MBOAT2: variants seen among roughly 807,000 people sequenced by gnomAD.
MBOAT2 encodes the protein membrane-bound glycerophospholipid O-acyltransferase 2.
In MBOAT2, 28 loss-of-function variants were observed where a neutral mutation model predicts 63.4. The ratio of observed to expected loss-of-function variants is 0.44; its 90% confidence interval spans 0.33 to 0.61. MBOAT2 has a LOEUF of 0.61. Ranked by LOEUF, MBOAT2 falls within the 20% of genes least tolerant of loss-of-function variation. MBOAT2 has a pLI of 0.03. For synonymous variants in MBOAT2, 211 were observed against 215.6 expected, an observed-to-expected ratio of 0.98 and a Z score of 0.19; for missense variants, 470 against 605.8, an observed-to-expected ratio of 0.78 and a Z score of 2.35.
intron 3 of MBOAT2, among the ~76,000 whole-genome samples, chr2:8,917,263 A>G (rs1162237706): frequency 1.3e-5 from 2 of 152,186 alleles, no homozygotes; most frequent in Admixed American, 6.5e-5. Context: ...AATTCACTTC[A>G]TCAAAATTTA....
intron 1 of MBOAT2, among the ~76,000 whole-genome samples, chr2:8,996,042 G>A (rs1046001280): frequency 1.3e-5 from 2 of 152,222 alleles, no homozygotes; most frequent in African/African-American, 4.8e-5. Context: ...ACCCTGAGTA[G>A]AGCCTGGGAA....
chr2:8,893,070 T>C (rs1287863912), intron 4 of MBOAT2, among the ~76,000 whole-genome samples: 1 of 14,434 alleles, frequency 6.9e-5, no homozygotes, highest in East Asian at 2.9e-3. Flanking sequence ...GGGGAGGGGG[T>C]GGGGGAGGAG....
intron 2 of MBOAT2, among the ~76,000 whole-genome samples, chr2:8,950,490 C>A (rs1034094471): frequency 1.3e-5 from 2 of 152,034 alleles, no homozygotes; most frequent in Non-Finnish European, 2.9e-5. Flanking sequence ...TGCAGTGGCG[C>A]GATCTCAGCT....
chr2:8,857,616 T>G lies in MBOAT2; in HGVS notation c.*1063A>C, dbSNP rs1661184021. 6.6e-6 allele frequency: 1 copy of G among 152,350 alleles called. No homozygotes were observed. Among genetic ancestry groups the G allele is most frequent in the African/African-American group, 2.4e-5 (1 of 41,590 alleles). The allele number at this position is 152,350 out of a possible 1,614,324, so 9.4% of individuals were successfully genotyped here. A position where few individuals can be genotyped will look rare whatever the true frequency, so the allele number is the denominator to read the frequency against. ...AAAGTTTCCCAAATATGAATTAAAT[T>G]GTCAAGGATAAGAAATGGATTAGCC... On this transcript the variant is annotated 3_prime_UTR_variant, in exon 13 of 13. Transcript: ENST00000305997.
Position 8,858,350 on chromosome 2 carries a change from G to A in MBOAT2, c.*329C>T, listed in dbSNP as rs982080387. The A allele has an allele frequency of 5.6e-5, 12 of 216,188 alleles. No homozygotes were observed. The East Asian group carries it at 1.1e-3, about 20-fold the overall frequency. The allele number at this position is 216,188 out of a possible 1,614,324, so 13.4% of individuals were successfully genotyped here. A position where few individuals can be genotyped will look rare whatever the true frequency, so the allele number is the denominator to read the frequency against. ...TTCTCTCTATCATCCAGATTGACAC[G>A]ATTATTTTTCCACCTCTTCAGTGCC... On this transcript the variant is annotated 3_prime_UTR_variant, in exon 13 of 13. Transcript: ENST00000305997.
At chr2:8,892,917 A>C (rs918394244) in intron 4 of MBOAT2, among the ~76,000 whole-genome samples, 4 of 152,166 alleles carry the variant, frequency 2.6e-5, no homozygotes, top group African/African-American at 9.7e-5. Context: ...CGGATCCAGC[A>C]GGCTCTGCAG....
At chr2:8,943,120 A>G (rs1484216734) in intron 3 of MBOAT2, 67 bp downstream of exon 3, 24 of 863,572 alleles carry the variant, frequency 2.8e-5, no homozygotes, top group Non-Finnish European at 3.2e-5. Flanking sequence ...AATAAATAAA[A>G]TTCTATTTTG....
At chr2:8,974,860 C>T (rs1670709852) in intron 1 of MBOAT2, among the ~76,000 whole-genome samples, 1 of 152,122 alleles carries the variant, frequency 6.6e-6, no homozygotes, top group East Asian at 1.9e-4. Context: ...GGCAACCACA[C>T]CTTAAAGGAT....
At chr2:8,899,268 T>C (rs1268720528) in intron 4 of MBOAT2, among the ~76,000 whole-genome samples, 1 of 152,128 alleles carries the variant, frequency 6.6e-6, no homozygotes, top group Admixed American at 6.5e-5. Flanking sequence ...CCCTCCCTAA[T>C]AAGGGTGTGG....
intron 1 of MBOAT2, among the ~76,000 whole-genome samples, chr2:9,000,967 A>G (rs534568877): frequency 6.6e-6 from 1 of 152,120 alleles, no homozygotes; most frequent in Admixed American, 6.5e-5. Context: ...TTTTCTATTA[A>G]AATTTTTTTA....
chr2:8,861,093 C>CA (rs1000062908), intron 11 of MBOAT2: 275 of 147,246 alleles, frequency 1.9e-3, no homozygotes, highest in East Asian at 2.5e-3. Flanking sequence ...TAAAAGTTTC[C>CA]AAAAAAAAAA....
chr2:8,978,652 G>A (rs1180189345), intron 1 of MBOAT2, among the ~76,000 whole-genome samples: 1 of 152,044 alleles, frequency 6.6e-6, no homozygotes, highest in African/African-American at 2.4e-5. Flanking sequence ...AACACACACT[G>A]GGGCCAGTCA....
intron 5 of MBOAT2, among the ~76,000 whole-genome samples, chr2:8,883,148 GAAATTAA>G (rs1342495383): frequency 1.4e-4 from 22 of 151,964 alleles, no homozygotes; most frequent in African/African-American, 5.3e-4. Context: ...AAAGGGGAAT[GAAATTAA>G]AAAGCAAATA....
intron 8 of MBOAT2, among the ~76,000 whole-genome samples, chr2:8,870,239 G>A (rs1317440753): frequency 6.6e-6 from 1 of 152,138 alleles, no homozygotes; most frequent in Non-Finnish European, 1.5e-5. Flanking sequence ...TTTTTGAGGT[G>A]ATAAGGAGAA....
chr2:8,927,420 G>C (rs1667004665), intron 3 of MBOAT2, among the ~76,000 whole-genome samples: 1 of 152,102 alleles, frequency 6.6e-6, no homozygotes, highest in South Asian at 2.1e-4. Flanking sequence ...ATTAATCTTT[G>C]AAAAGAATAG....
chr2:8,961,187 T>C (rs147130023), intron 1 of MBOAT2, among the ~76,000 whole-genome samples: 1 of 152,264 alleles, frequency 6.6e-6, no homozygotes, highest in East Asian at 1.9e-4. Flanking sequence ...TTTACAAATA[T>C]CAATGTCCAA....
intron 1 of MBOAT2, among the ~76,000 whole-genome samples, chr2:8,959,024 A>G (rs1358102972): frequency 6.6e-6 from 1 of 152,222 alleles, no homozygotes; most frequent in Non-Finnish European, 1.5e-5. Flanking sequence ...CCCGTGAAAA[A>G]GAGGAGCACT....
At chr2:8,915,852 T>C (rs1421310225) in intron 3 of MBOAT2, among the ~76,000 whole-genome samples, 1 of 152,214 alleles carries the variant, frequency 6.6e-6, no homozygotes, top group Non-Finnish European at 1.5e-5. Flanking sequence ...TGTGTGACCT[T>C]AGAAAGTGAC....
rs765059973 is a variant in MBOAT2 at position 8,864,239 on chromosome 2, A to G, written c.988-5T>C. On this transcript the variant is annotated splice_region_variant and splice_polypyrimidine_tract_variant and intron_variant, in intron 9 of 12. Transcript: ENST00000305997. ...CATCTTGAAACTTGTTGACATCTGAAAAAAAAGGAAACTTTTTTCTTTGTG... is the reference window on the plus strand; with the variant it reads ...CATCTTGAAACTTGTTGACATCTGAGAAAAAAGGAAACTTTTTTCTTTGTG... The G allele has an allele frequency of 1.3e-6, 2 of 1,547,962 alleles. No individual in the cohort carries two copies. Among genetic ancestry groups the G allele is most frequent in the African/African-American group, 2.8e-5 (2 of 71,416 alleles).
Sources: allele counts gnomAD v4.1 joint callset (sites outside exome capture counted in the v4.1 genomes callset), GRCh38; gene constraint gnomAD v4.1.1; transcripts MANE v1.5; gene names NCBI Gene and HGNC (gene_info 2026-07-23, HGNC 2026-07-21).